Variants in PCSK1 observed in about 807,000 individuals in gnomAD.
PCSK1 encodes the protein neuroendocrine convertase 1.
A neutral mutation model predicts 90.6 loss-of-function variants in PCSK1; 56 were observed. That is an observed-to-expected ratio of 0.62 (90% CI 0.50 to 0.77). PCSK1 has a LOEUF of 0.77. PCSK1 is among the 30% of genes least tolerant of loss of function. PCSK1 has a pLI of 0.00. For missense variants in PCSK1, 801 were observed against 932.6 expected (o/e 0.86, Z 1.84); for synonymous variants, 348 against 342.4 (o/e 1.02, Z -0.18).
rs1424361199 is a variant in PCSK1 at position 96,424,711 on chromosome 5, C to T, written c.396+1109G>A. 2.0e-5 allele frequency among the ~76,000 whole-genome samples: 3 copies of T among 152,000 alleles called. No individual in the cohort carries two copies. In the East Asian group the frequency reaches 5.8e-4, roughly 29 times the overall value. On this transcript the variant is annotated intron_variant, in intron 3 of 13. Transcript: ENST00000311106. ...GGTGCGGTGGCTCATGCCTGTAATC[C>T]CAGCACTTTGGGAGGCCAAGGCGGG...
chr5:96,399,470 G>T (rs1466115489), intron 10 of PCSK1, among the ~76,000 whole-genome samples: 4 of 152,122 alleles, frequency 2.6e-5, no homozygotes, highest in African/African-American at 9.7e-5. Context: ...TGGTGTGCTA[G>T]AGGGAGTCTA....
chr5:96,407,546 A>T (rs1452734044), intron 9 of PCSK1, among the ~76,000 whole-genome samples: 2 of 152,228 alleles, frequency 1.3e-5, no homozygotes, highest in African/African-American at 2.4e-5. Context: ...AATATATATA[A>T]AAATCATTAA....
intron 13 of PCSK1, among the ~76,000 whole-genome samples, chr5:96,393,654 G>C (rs1760033453): frequency 2.0e-5 from 3 of 152,186 alleles, no homozygotes. Flanking sequence ...GACTAGATGA[G>C]ACTGTATAGG....
chr5:96,406,787 CCTT>C (rs1379107295), intron 9 of PCSK1, among the ~76,000 whole-genome samples: 1 of 152,194 alleles, frequency 6.6e-6, no homozygotes, highest in Non-Finnish European at 1.5e-5. Flanking sequence ...AGGATAATCT[CCTT>C]ATTAGGAAGG....
chr5:96,399,306 G>GA (rs1414893811), intron 10 of PCSK1, among the ~76,000 whole-genome samples: 2 of 151,984 alleles, frequency 1.3e-5, no homozygotes, highest in African/African-American at 2.4e-5. Context: ...CCCCTCTTAA[G>GA]AAAAAAATGA....
chr5:96,433,082 G>A lies in PCSK1; in HGVS notation c.-40C>T, dbSNP rs1263942378. The A allele has an allele frequency of 6.3e-7, 1 of 1,592,216 alleles. No individual in the cohort carries two copies. Among genetic ancestry groups the A allele is most frequent in the African/African-American group, 1.3e-5 (1 of 74,458 alleles). On this transcript the variant is annotated 5_prime_UTR_variant, in exon 1 of 14. Transcript: ENST00000311106. ...CTTGAACAAGAGTGGGAAGGGAAGA[G>A]GAAAAAGAAGCAAGATAGGAGAAAA...
chr5:96,414,317 C>T (rs1760874074), intron 6 of PCSK1, among the ~76,000 whole-genome samples: 1 of 152,124 alleles, frequency 6.6e-6, no homozygotes, highest in Non-Finnish European at 1.5e-5. Context: ...TGTATAAACT[C>T]ATCTAAACCT....
At chr5:96,424,547 G>T (rs1220212795) in intron 3 of PCSK1, among the ~76,000 whole-genome samples, 1 of 152,176 alleles carries the variant, frequency 6.6e-6, no homozygotes, top group Non-Finnish European at 1.5e-5. Flanking sequence ...CTACAACACA[G>T]ACAATCATGA....
rs560547171 is a variant in PCSK1, at chr5:96,424,700, T to A, written c.396+1120A>T. ...GCAAGAGGCCCGGTGCGGTGGCTCA[T>A]GCCTGTAATCCCAGCACTTTGGGAG... On this transcript the variant is annotated intron_variant, in intron 3 of 13. Coordinates refer to ENST00000311106, the MANE Select transcript of PCSK1 (RefSeq NM_000439.5). 3.3e-5 allele frequency among the ~76,000 whole-genome samples: 5 copies of A among 152,248 alleles called. No homozygotes were observed. In the South Asian group the frequency reaches 1.0e-3, roughly 32 times the overall value.
intron 2 of PCSK1, 29 bp downstream of exon 2, chr5:96,429,184 T>G (rs745911545): frequency 9.2e-7 from 1 of 1,087,862 alleles, no homozygotes; most frequent in Non-Finnish European, 1.4e-6. Flanking sequence ...GCTAGAGTAT[T>G]GGTTTGAAGA....
intron 8 of PCSK1, among the ~76,000 whole-genome samples, chr5:96,410,052 T>G (rs1760703125): frequency 6.6e-6 from 1 of 152,206 alleles, no homozygotes; most frequent in South Asian, 2.1e-4. Flanking sequence ...GTCCTTTCTG[T>G]GTCAGGAGTT....
At chr5:96,405,938 A>G (rs181213658) in intron 9 of PCSK1, among the ~76,000 whole-genome samples, 1 of 152,286 alleles carries the variant, frequency 6.6e-6, no homozygotes, top group African/African-American at 2.4e-5. Flanking sequence ...AAATTTTAAG[A>G]TTGCTTTCTT....
At chr5:96,416,512 G>A (rs1760942891) in intron 5 of PCSK1, among the ~76,000 whole-genome samples, 1 of 152,194 alleles carries the variant, frequency 6.6e-6, no homozygotes, top group South Asian at 2.1e-4. Context: ...TCAGAGAAAT[G>A]GCTTCTGCTT....
chr5:96,393,783 C>A (rs930068555), intron 13 of PCSK1, among the ~76,000 whole-genome samples: 7 of 152,170 alleles, frequency 4.6e-5, no homozygotes, highest in African/African-American at 1.4e-4. Context: ...CCACTGGTTG[C>A]GGTAGCATGG....
chr5:96,393,891 G>C (rs747400223), intron 13 of PCSK1, among the ~76,000 whole-genome samples: 9 of 152,220 alleles, frequency 5.9e-5, no homozygotes, highest in Non-Finnish European at 1.2e-4. Context: ...AGGCTGGGGA[G>C]GAGGGAGCTG....
At position 96,429,324 on chromosome 5, in the gene PCSK1, A is replaced by G; in HGVS notation, c.181-7T>C. The G allele has an allele frequency of 7.1e-7, 1 of 1,416,420 alleles. No individual in the cohort carries two copies. The highest frequency in any genetic ancestry group is 1.0e-6 in the Non-Finnish European group (1 of 1,000,274). 87.7% of individuals were successfully genotyped at this position (1,416,420 alleles called of 1,614,324 possible). Reference sequence around the variant, plus strand: ...GATTTTCAAGTGAACCAATCTATAAAAGGAAAGAAATAAAATAAATATCCA... The same window carrying G: ...GATTTTCAAGTGAACCAATCTATAAGAGGAAAGAAATAAAATAAATATCCA... On this transcript the variant is annotated splice_region_variant and splice_polypyrimidine_tract_variant and intron_variant, in intron 1 of 13. Coordinates refer to ENST00000311106, the MANE Select transcript of PCSK1 (RefSeq NM_000439.5).
chr5:96,410,557 G>T (rs1202448003), intron 8 of PCSK1, among the ~76,000 whole-genome samples: 1 of 152,042 alleles, frequency 6.6e-6, no homozygotes, highest in Non-Finnish European at 1.5e-5. Context: ...GTTTAAAAAT[G>T]ACAGAGGGGA....
At chr5:96,420,364 A>G (rs749407106) in intron 5 of PCSK1, among the ~76,000 whole-genome samples, 2 of 152,180 alleles carry the variant, frequency 1.3e-5, no homozygotes, top group Non-Finnish European at 2.9e-5. Flanking sequence ...ACATATAGCA[A>G]AAAGTTTGTC....
chr5:96,422,294 G>A (rs1357993968), intron 4 of PCSK1, among the ~76,000 whole-genome samples: 1 of 152,178 alleles, frequency 6.6e-6, no homozygotes, highest in Non-Finnish European at 1.5e-5. Flanking sequence ...GAGGCCCAGA[G>A]AAGTTAAATG....
Sources: allele counts gnomAD v4.1 joint callset (sites outside exome capture counted in the v4.1 genomes callset), GRCh38; gene constraint gnomAD v4.1.1; transcripts MANE v1.5; gene names NCBI Gene and HGNC (gene_info 2026-07-23, HGNC 2026-07-21).